The following ROBO2 variants were observed in gnomAD, a reference collection of about 807,000 sequenced individuals.
ROBO2 encodes roundabout homolog 2.
In ROBO2, 53 loss-of-function variants were observed where a neutral mutation model predicts 160.8. The ratio of observed to expected loss-of-function variants is 0.33; its 90% CI spans 0.26 to 0.41. The LOEUF (loss-of-function observed/expected upper bound fraction) is 0.41, where lower values mean the gene tolerates loss of function less well. Among genes scored for constraint, ROBO2 ranks in the 10% least tolerant of loss-of-function variants. The pLI, the probability that ROBO2 is intolerant of heterozygous loss-of-function variation, is 1.00. For missense variants in ROBO2, 1,577 were observed against 1,722.4 expected (o/e 0.92, Z 1.49); for synonymous variants, 664 against 611.7 (o/e 1.09, Z -1.26).
At chr3:77,324,709 G>A (rs1409096418) in intron 2 of ROBO2, among the ~76,000 whole-genome samples, 1 of 151,162 alleles carries the variant, frequency 6.6e-6, no homozygotes, top group Non-Finnish European at 1.5e-5. Flanking sequence ...GTGAACCTGG[G>A]AGGCGGAGCT....
intron 2 of ROBO2, among the ~76,000 whole-genome samples, chr3:76,109,554 T>C (rs1392897826): frequency 1.3e-5 from 2 of 152,116 alleles, no homozygotes; most frequent in Non-Finnish European, 2.9e-5. Context: ...TTACTGAGAA[T>C]GTGTTGACTG....
At chr3:77,365,431 C>CT (rs1454308773) in intron 2 of ROBO2, among the ~76,000 whole-genome samples, 1 of 151,844 alleles carries the variant, frequency 6.6e-6, no homozygotes, top group Non-Finnish European at 1.5e-5. Context: ...AATTTTTTTT[C>CT]TTGTTGCTGC....
chr3:76,510,320 G>A lies in ROBO2; in HGVS notation c.109+572718G>A, dbSNP rs143011718. 4.6e-3 allele frequency among the ~76,000 whole-genome samples: 703 copies of A among 152,328 alleles called. 18 individuals carry two copies. Among genetic ancestry groups the A allele is most frequent in the Admixed American group, 0.035 (538 of 15,298 alleles). ...GGAGAAACTGGACAGTGATGTAAGT[G>A]TGAAATGTCTTATAGAAAAGCATGG... is the stretch of plus-strand genomic sequence containing the variant. On this transcript the variant is annotated intron_variant, in intron 2 of 26. Coordinates refer to the ROBO2 transcript ENST00000487694.
At chr3:77,049,057 A>T (rs1243024980) in intron 1 of ROBO2, among the ~76,000 whole-genome samples, 1 of 152,164 alleles carries the variant, frequency 6.6e-6, no homozygotes, top group African/African-American at 2.4e-5. Context: ...GGCTCGGCGC[A>T]GTGGCTCACC....
intron 2 of ROBO2, among the ~76,000 whole-genome samples, chr3:77,172,285 T>C (rs1468397569): frequency 6.6e-6 from 1 of 152,228 alleles, no homozygotes; most frequent in Non-Finnish European, 1.5e-5. Flanking sequence ...AATTGGTCAC[T>C]GTAGAGATGA....
At chr3:76,267,364 A>G (rs1219495825) in intron 2 of ROBO2, among the ~76,000 whole-genome samples, 2 of 152,176 alleles carry the variant, frequency 1.3e-5, no homozygotes, top group African/African-American at 4.8e-5. Flanking sequence ...TATGATAGCC[A>G]TCACTAACTC....
chr3:76,276,305 A>G (rs1158930067), intron 2 of ROBO2, among the ~76,000 whole-genome samples: 1 of 152,060 alleles, frequency 6.6e-6, no homozygotes, highest in African/African-American at 2.4e-5. Context: ...AATGTCCAAT[A>G]TGATAGATAT....
chr3:77,513,047 C>G (rs1268690758), intron 5 of ROBO2, among the ~76,000 whole-genome samples: 3 of 151,762 alleles, frequency 2.0e-5, no homozygotes, highest in Non-Finnish European at 4.4e-5. Flanking sequence ...CCAAGAAAAA[C>G]AAAGGTGCTT....
At chr3:77,061,917 C>T (rs1297242352) in intron 1 of ROBO2, among the ~76,000 whole-genome samples, 1 of 152,170 alleles carries the variant, frequency 6.6e-6, no homozygotes, top group African/African-American at 2.4e-5. Flanking sequence ...CCTGGTTGAT[C>T]TGACATCCTT....
At chr3:77,371,374 C>T (rs1304708713) in intron 2 of ROBO2, among the ~76,000 whole-genome samples, 1 of 152,162 alleles carries the variant, frequency 6.6e-6, no homozygotes, top group African/African-American at 2.4e-5. Context: ...TGTTTCTTCT[C>T]TCTTCTCCGT....
chr3:76,055,710 G>A lies in ROBO2; in HGVS notation c.109+118108G>A, dbSNP rs184880698. Among the ~76,000 whole-genome samples the A allele has an allele frequency of 1.0e-3, 156 of 152,242 alleles. 1 individual carries two copies. In the Middle Eastern group the frequency reaches 0.017, roughly 17 times the overall value. On this transcript the variant is annotated intron_variant, in intron 2 of 26. Transcript: ENST00000487694. Reference sequence around the variant, plus strand: ...GACTGTATGGTATTCCAAGGTGTATGTATACTTTTTTTTTATCTAATCAAC... The same window carrying A: ...GACTGTATGGTATTCCAAGGTGTATATATACTTTTTTTTTATCTAATCAAC...
rs958710738 is a variant in ROBO2, at chr3:76,987,497, A to T, written c.110-110517A>T. ...CACTTGGTCCTATTTCTCTTTTGGG[A>T]ACAGTAGTCACAAAATATAACTCAA... On this transcript the variant is annotated intron_variant, in intron 2 of 26. Coordinates refer to the ROBO2 transcript ENST00000487694. Among the ~76,000 whole-genome samples, 8 of 152,246 alleles carry T rather than the reference A, an allele frequency of 5.3e-5. No individual in the cohort carries two copies. The South Asian group carries it at 1.7e-3, about 32-fold the overall frequency.
chr3:77,559,270 AG>A (rs2093240052), intron 9 of ROBO2, among the ~76,000 whole-genome samples: 1 of 152,122 alleles, frequency 6.6e-6, no homozygotes, highest in South Asian at 2.1e-4. Context: ...CTTACACTCC[AG>A]GTGAGGGATT....
chr3:76,086,471 A>AT (rs1192641095), intron 2 of ROBO2, among the ~76,000 whole-genome samples: 1 of 152,058 alleles, frequency 6.6e-6, no homozygotes, highest in Admixed American at 6.6e-5. Flanking sequence ...ATGTCACCCA[A>AT]TGGGCAGAGG....
At chr3:77,577,744 T>C (rs1056728436) in intron 15 of ROBO2, 130 bp downstream of exon 16, 62 of 1,153,550 alleles carry the variant, frequency 5.4e-5, no homozygotes, top group Non-Finnish European at 7.5e-5. Flanking sequence ...TTTATATTTC[T>C]GTGTGACAGA....
At chr3:76,681,446 A>T (rs1465413324) in intron 2 of ROBO2, among the ~76,000 whole-genome samples, 2 of 152,308 alleles carry the variant, frequency 1.3e-5, no homozygotes, top group African/African-American at 4.8e-5. Flanking sequence ...TTACAGATTT[A>T]AAAAAATGAG....
At chr3:77,456,165 G>A (rs2081618009) in intron 2 of ROBO2, among the ~76,000 whole-genome samples, 1 of 152,102 alleles carries the variant, frequency 6.6e-6, no homozygotes, top group Non-Finnish European at 1.5e-5. Context: ...AATAGAACTA[G>A]TAAAAAGCAA....
At chr3:76,400,158 T>A (rs2077729842) in intron 2 of ROBO2, among the ~76,000 whole-genome samples, 1 of 151,680 alleles carries the variant, frequency 6.6e-6, no homozygotes, top group African/African-American at 2.4e-5. Context: ...AGTTTGCACT[T>A]GGAAAACATT....
At chr3:76,074,432 C>T (rs533599578) in intron 2 of ROBO2, among the ~76,000 whole-genome samples, 8 of 152,250 alleles carry the variant, frequency 5.3e-5, no homozygotes, top group South Asian at 4.1e-4. Context: ...TTCAGCCAGA[C>T]GACCAACAAG....
Sources: allele counts gnomAD v4.1 joint callset (sites outside exome capture counted in the v4.1 genomes callset), GRCh38; gene constraint gnomAD v4.1.1; transcripts MANE v1.5; gene names NCBI Gene and HGNC (gene_info 2026-07-23, HGNC 2026-07-21).